Variants in GUCY1A2 observed in about 807,000 individuals in gnomAD.
GUCY1A2 encodes the protein guanylate cyclase soluble subunit alpha-2.
Under a neutral mutation model 63.5 loss-of-function variants are expected in GUCY1A2, and 27 were observed. The ratio of observed to expected loss-of-function variants is 0.43; its 90% CI spans 0.31 to 0.59. The LOEUF (loss-of-function observed/expected upper bound fraction) is 0.59. Among genes scored for constraint, GUCY1A2 ranks in the 20% least tolerant of loss-of-function variants. The pLI is 0.11. For synonymous variants in GUCY1A2, 364 were observed against 343.5 expected, an observed-to-expected ratio of 1.06 and a Z score of -0.66; for missense variants, 768 against 913.3, an observed-to-expected ratio of 0.84 and a Z score of 2.05.
chr11:106,956,050 T>C (rs1442028631), intron 3 of GUCY1A2, among the ~76,000 whole-genome samples: 1 of 151,688 alleles, frequency 6.6e-6, no homozygotes, highest in Non-Finnish European at 1.5e-5. Flanking sequence ...TTTCAAACTC[T>C]GATAGCCTTT....
intron 4 of GUCY1A2, chr11:106,827,869 T>C (rs1858994405): frequency 6.3e-7 from 1 of 1,595,024 alleles, no homozygotes; most frequent in South Asian, 1.1e-5. Flanking sequence ...CCTGCAGTCA[T>C]GGGAGGGCGC....
intron 5 of GUCY1A2, among the ~76,000 whole-genome samples, chr11:106,783,292 G>A (rs371841966): frequency 1.7e-4 from 26 of 152,140 alleles, no homozygotes; most frequent in Admixed American, 3.3e-4. Context: ...CTAAAAGTCC[G>A]GAGAAGCCAA....
At chr11:106,843,779 A>G (rs968116439) in intron 4 of GUCY1A2, among the ~76,000 whole-genome samples, 18 of 151,858 alleles carry the variant, frequency 1.2e-4, no homozygotes, top group Non-Finnish European at 2.7e-4. Flanking sequence ...CACAATACTA[A>G]TTATTCTTAC....
At chr11:106,690,135 A>T (rs1406767046) in intron 7 of GUCY1A2, among the ~76,000 whole-genome samples, 1 of 152,254 alleles carries the variant, frequency 6.6e-6, no homozygotes, top group East Asian at 1.9e-4. Flanking sequence ...ACCTAAAGAC[A>T]GAAATACCAT....
At chr11:106,843,853 G>A (rs545531760) in intron 4 of GUCY1A2, among the ~76,000 whole-genome samples, 14 of 151,668 alleles carry the variant, frequency 9.2e-5, no homozygotes, top group Non-Finnish European at 1.3e-4. Context: ...ACATTACTTC[G>A]AAAATTGTGA....
chr11:106,863,418 T>C (rs1859542203), intron 4 of GUCY1A2, among the ~76,000 whole-genome samples: 1 of 152,180 alleles, frequency 6.6e-6, no homozygotes, highest in South Asian at 2.1e-4. Flanking sequence ...TTGTTTGTTT[T>C]TGTCAGGTTT....
At chr11:106,870,429 T>C (rs1278892212) in intron 4 of GUCY1A2, among the ~76,000 whole-genome samples, 1 of 152,122 alleles carries the variant, frequency 6.6e-6, no homozygotes. Context: ...GAATTATATG[T>C]ACAAGAATTC....
chr11:106,747,681 T>C (rs1399156875), intron 6 of GUCY1A2, among the ~76,000 whole-genome samples: 1 of 152,134 alleles, frequency 6.6e-6, no homozygotes, highest in Non-Finnish European at 1.5e-5. Context: ...ACAACTGAGA[T>C]TTGGTGAAAT....
intron 4 of GUCY1A2, among the ~76,000 whole-genome samples, chr11:106,835,560 T>C (rs1278590258): frequency 6.6e-6 from 1 of 151,580 alleles, no homozygotes; most frequent in Non-Finnish European, 1.5e-5. Flanking sequence ...ATGAAAAATA[T>C]GAACTCACGA....
intron 6 of GUCY1A2, among the ~76,000 whole-genome samples, chr11:106,720,131 T>A (rs1461820019): frequency 6.6e-6 from 1 of 152,232 alleles, no homozygotes; most frequent in African/African-American, 2.4e-5. Flanking sequence ...CTGTGAACCC[T>A]CCTCAGACTT....
At chr11:106,698,306 A>G (rs1862758387) in intron 7 of GUCY1A2, among the ~76,000 whole-genome samples, 1 of 150,026 alleles carries the variant, frequency 6.7e-6, no homozygotes, top group Non-Finnish European at 1.5e-5. Flanking sequence ...TAATTTTAGT[A>G]GAGACAAGGT....
chr11:106,798,347 T>C (rs1023209276), intron 5 of GUCY1A2, among the ~76,000 whole-genome samples: 1 of 152,090 alleles, frequency 6.6e-6, no homozygotes, highest in Non-Finnish European at 1.5e-5. Context: ...AAGGAGGAGC[T>C]GGTACCATTC....
intron 4 of GUCY1A2, among the ~76,000 whole-genome samples, chr11:106,919,382 T>C (rs1369652310): frequency 1.3e-5 from 2 of 152,078 alleles, no homozygotes; most frequent in African/African-American, 4.8e-5. Flanking sequence ...GATGTTACCA[T>C]AATAACAAAA....
At chr11:107,004,970 T>C (rs970625074) in intron 1 of GUCY1A2, among the ~76,000 whole-genome samples, 1 of 152,218 alleles carries the variant, frequency 6.6e-6, no homozygotes, top group Non-Finnish European at 1.5e-5. Context: ...ATGTTCTCTG[T>C]TAAAGTCCTA....
At chr11:106,739,705 T>A (rs1863656659) in intron 6 of GUCY1A2, among the ~76,000 whole-genome samples, 1 of 152,182 alleles carries the variant, frequency 6.6e-6, no homozygotes, top group African/African-American at 2.4e-5. Context: ...TTTCCCTACT[T>A]TCTTCATTTC....
chr11:106,862,728 C>T (rs570470710), intron 4 of GUCY1A2, among the ~76,000 whole-genome samples: 131 of 151,954 alleles, frequency 8.6e-4, no homozygotes, highest in African/African-American at 2.9e-3. Flanking sequence ...GGAGAAAATT[C>T]TCTGCAAATT....
At chr11:107,012,914 T>C (rs1030229823) in intron 1 of GUCY1A2, among the ~76,000 whole-genome samples, 3 of 152,216 alleles carry the variant, frequency 2.0e-5, no homozygotes, top group African/African-American at 7.2e-5. Context: ...ATTGTCTACA[T>C]GTTAGTTACA....
At chr11:106,835,017 T>C (rs769888018) in intron 4 of GUCY1A2, among the ~76,000 whole-genome samples, 1 of 151,834 alleles carries the variant, frequency 6.6e-6, no homozygotes, top group Non-Finnish European at 1.5e-5. Context: ...TAAAGTCAAA[T>C]ATAAGGTAAC....
At chr11:107,008,852 T>A (rs1460329930) in intron 1 of GUCY1A2, among the ~76,000 whole-genome samples, 1 of 151,958 alleles carries the variant, frequency 6.6e-6, no homozygotes, top group African/African-American at 2.4e-5. Context: ...AGTTGGAGGG[T>A]TCATGTATGA....
Sources: gnomAD v4.1 joint callset for allele counts (sites outside exome capture counted in the v4.1 genomes callset) on GRCh38, gnomAD v4.1.1 for gene constraint, MANE v1.5 for transcripts, NCBI Gene and HGNC (gene_info 2026-07-23, HGNC 2026-07-21) for gene names.